AKAP7: variants seen among roughly 807,000 people sequenced by gnomAD.
The protein encoded by AKAP7 is A kinase (PRKA) anchor protein 7.
In AKAP7, 39 loss-of-function variants were observed where a neutral mutation model predicts 39.5. The ratio of observed to expected loss-of-function variants is 0.99; its 90% CI spans 0.76 to 1.29. AKAP7 has a LOEUF of 1.29. Among genes scored for constraint, AKAP7 ranks in the 50% most tolerant of loss-of-function variants. AKAP7 has a pLI of 0.00. For synonymous variants in AKAP7, 140 were observed against 139.1 expected (o/e 1.01, Z -0.05); for missense variants, 414 against 407.7 (o/e 1.02, Z -0.13).
intron 4 of AKAP7, among the ~76,000 whole-genome samples, chr6:131,166,817 C>A (rs1803545003): frequency 6.6e-6 from 1 of 152,072 alleles, no homozygotes; most frequent in Admixed American, 6.5e-5. Flanking sequence ...AACTTTTTAT[C>A]CTATACTGTA....
intron 7 of AKAP7, among the ~76,000 whole-genome samples, chr6:131,234,083 C>T (rs1335394791): frequency 1.3e-5 from 2 of 152,138 alleles, no homozygotes; most frequent in South Asian, 2.1e-4. Flanking sequence ...GCCTGAGTTA[C>T]CAATTCATTC....
intron 5 of AKAP7, among the ~76,000 whole-genome samples, chr6:131,176,183 A>G (rs1470468644): frequency 6.6e-6 from 1 of 152,114 alleles, no homozygotes; most frequent in Non-Finnish European, 1.5e-5. Flanking sequence ...CATCACATGT[A>G]CATGTGGGCT....
chr6:131,237,104 T>C (rs180987301), intron 7 of AKAP7, among the ~76,000 whole-genome samples: 1 of 152,184 alleles, frequency 6.6e-6, no homozygotes, highest in Admixed American at 6.5e-5. Flanking sequence ...TATTGAGAGT[T>C]TTTAGCATGA....
chr6:131,269,742 G>A (rs1467330040), intron 7 of AKAP7, among the ~76,000 whole-genome samples: 1 of 152,108 alleles, frequency 6.6e-6, no homozygotes, highest in East Asian at 1.9e-4. Context: ...TACACTGAAG[G>A]GGAGAATTAA....
chr6:131,135,920 C>T (rs1562853181), intron 1 of AKAP7, 138 bp downstream of exon 1: 1 of 1,015,862 alleles, frequency 9.8e-7, no homozygotes, highest in Non-Finnish European at 1.2e-6. Flanking sequence ...CAAAAGGACT[C>T]AGGGTAGCAC....
At chr6:131,173,522 C>T (rs1804283270) in intron 5 of AKAP7, among the ~76,000 whole-genome samples, 1 of 151,910 alleles carries the variant, frequency 6.6e-6, no homozygotes, top group South Asian at 2.1e-4. Flanking sequence ...ATCTTAAATC[C>T]TATTTTTAGG....
chr6:131,183,262 G>A (rs1471446233), intron 5 of AKAP7, among the ~76,000 whole-genome samples: 1 of 152,122 alleles, frequency 6.6e-6, no homozygotes, highest in African/African-American at 2.4e-5. Context: ...TAATGTCAGT[G>A]CCACTAAGCA....
intron 7 of AKAP7, among the ~76,000 whole-genome samples, chr6:131,232,969 T>TAA (rs3034882): frequency 0.49 from 73,104 of 150,014 alleles, 17,983 homozygotes; most frequent in Admixed American, 0.53. Context: ...ATGCTTTCCT[T>TAA]ATTGGCGTGT....
At chr6:131,194,614 C>T (rs148112596) in intron 5 of AKAP7, among the ~76,000 whole-genome samples, 146 of 152,124 alleles carry the variant, frequency 9.6e-4, no homozygotes, top group African/African-American at 3.2e-3. Flanking sequence ...ATGTCCAGTG[C>T]TGAAAGTGGG....
At chr6:131,133,075 T>G (rs1020121620), upstream of AKAP7, among the ~76,000 whole-genome samples, 4 of 152,222 alleles carry the variant, frequency 2.6e-5, no homozygotes, top group African/African-American at 9.6e-5. Context: ...AATTATTTTA[T>G]GTCTCCTATA....
chr6:131,251,259 G>A (rs934882040), intron 7 of AKAP7, among the ~76,000 whole-genome samples: 1 of 152,164 alleles, frequency 6.6e-6, no homozygotes, highest in African/African-American at 2.4e-5. Context: ...ACTGAATTTT[G>A]TTCTTCACTG....
At chr6:131,162,455 T>C (rs1803066181) in intron 3 of AKAP7, among the ~76,000 whole-genome samples, 1 of 152,128 alleles carries the variant, frequency 6.6e-6, no homozygotes, top group Admixed American at 6.5e-5. Flanking sequence ...GCAGGTCAGG[T>C]TACCTAAATT....
intron 5 of AKAP7, among the ~76,000 whole-genome samples, chr6:131,197,207 T>C (rs530965665): frequency 2.0e-5 from 3 of 152,200 alleles, no homozygotes; most frequent in Non-Finnish European, 4.4e-5. Flanking sequence ...CATATGGTTA[T>C]TTATCAACCA....
In AKAP7 at chr6:131,282,291, C is replaced by A. The variant is rs1050166799; in HGVS notation, c.*565C>A. 29 of 1,349,394 alleles carry A rather than the reference C, an allele frequency of 2.1e-5. No homozygotes were observed. Among genetic ancestry groups the A allele is most frequent in the East Asian group, 2.7e-5 (1 of 37,418 alleles). The allele number at this position is 1,349,394 out of a possible 1,614,324, so 83.6% of individuals were successfully genotyped here. A position where few individuals can be genotyped will look rare whatever the true frequency, so the allele number is the denominator to read the frequency against. The stretch of plus-strand genomic sequence containing the variant: ...TGATATATTTTTGGTGAAATGCAAC[C>A]TTTTCTATAAAATGTGGGCAACATT... On this transcript the variant is annotated 3_prime_UTR_variant, in exon 8 of 8. Transcript: ENST00000431975.
chr6:131,241,577 ATGTGTGTGTGTGTGTGTGTGTGTG>A (rs749601887), intron 7 of AKAP7, among the ~76,000 whole-genome samples: 1 of 81,246 alleles, frequency 1.2e-5, no homozygotes, highest in Admixed American at 1.5e-4. Context: ...GATTATATAT[ATGTGTGTGTGTGTGTGTGTGTGTG>A]TGTGTGTGTG....
chr6:131,247,785 G>T (rs1216247257), intron 7 of AKAP7, among the ~76,000 whole-genome samples: 1 of 151,884 alleles, frequency 6.6e-6, no homozygotes, highest in Non-Finnish European at 1.5e-5. Flanking sequence ...GTGCCACTAT[G>T]CCCAGCTAAT....
At chr6:131,209,441 G>A (rs11967060) in intron 6 of AKAP7, among the ~76,000 whole-genome samples, 21,658 of 151,884 alleles carry the variant, frequency 0.14, 1,878 homozygotes, top group Middle Eastern at 0.28. Context: ...TAGTAGAGAC[G>A]GGATTTCACC....
chr6:131,218,020 C>T (rs978242004), intron 6 of AKAP7, among the ~76,000 whole-genome samples: 1 of 152,050 alleles, frequency 6.6e-6, no homozygotes, highest in Non-Finnish European at 1.5e-5. Context: ...ACATAAAGTT[C>T]ACTAATGATA....
chr6:131,205,088 C>T (rs1807963298), intron 6 of AKAP7, among the ~76,000 whole-genome samples: 1 of 152,030 alleles, frequency 6.6e-6, no homozygotes, highest in African/African-American at 2.4e-5. Flanking sequence ...TGGATTATTA[C>T]AGGAAATATT....
Sources: allele counts gnomAD v4.1 joint callset (sites outside exome capture counted in the v4.1 genomes callset), GRCh38; gene constraint gnomAD v4.1.1; transcripts MANE v1.5; gene names NCBI Gene and HGNC (gene_info 2026-07-23, HGNC 2026-07-21).